Variants in STK31 observed in about 807,000 individuals in gnomAD.
The protein encoded by STK31 is serine/threonine kinase 31.
In STK31, 89 loss-of-function variants were observed where a neutral mutation model predicts 129.7. The ratio of observed to expected loss-of-function variants is 0.69; its 90% CI spans 0.58 to 0.82. STK31 has a LOEUF of 0.82. STK31 is among the 40% of genes least tolerant of loss of function. The pLI, the probability that STK31 is intolerant of heterozygous loss-of-function variation, is 0.00. For synonymous variants in STK31, 448 were observed against 395.3 expected (o/e 1.13, Z -1.58); for missense variants, 1,187 against 1,176.4 (o/e 1.01, Z -0.13).
intron 22 of STK31, among the ~76,000 whole-genome samples, chr7:23,796,852 G>A (rs566233661): frequency 6.6e-6 from 1 of 152,144 alleles, no homozygotes; most frequent in East Asian, 1.9e-4. Flanking sequence ...TCAGTGTGCT[G>A]TATTCAGGAG....
intron 23 of STK31, among the ~76,000 whole-genome samples, chr7:23,827,514 T>G (rs1403713651): frequency 3.9e-5 from 6 of 152,120 alleles, no homozygotes; most frequent in African/African-American, 1.2e-4. Flanking sequence ...TTTTTCAAAG[T>G]TTTTAACTTC....
chr7:23,802,029 T>C (rs900940063), intron 22 of STK31, among the ~76,000 whole-genome samples: 1 of 152,214 alleles, frequency 6.6e-6, no homozygotes. Flanking sequence ...TTTTATTTTA[T>C]ATTTTACATC....
At chr7:23,737,111 A>C (rs768959704) in intron 8 of STK31, 33 bp downstream of exon 8, 1 of 1,533,842 alleles carries the variant, frequency 6.5e-7, no homozygotes, top group Non-Finnish European at 8.7e-7. Flanking sequence ...AAGAGTGTCC[A>C]ACTGGGAAAT....
At chr7:23,829,712 A>G (rs1794427358) in intron 23 of STK31, among the ~76,000 whole-genome samples, 1 of 152,104 alleles carries the variant, frequency 6.6e-6, no homozygotes, top group Non-Finnish European at 1.5e-5. Context: ...AATTGATGTT[A>G]GTTCTTTGAA....
At chr7:23,810,750 TATATA>T (rs1793059879) in intron 22 of STK31, among the ~76,000 whole-genome samples, 1 of 130,772 alleles carries the variant, frequency 7.6e-6, no homozygotes, top group African/African-American at 3.0e-5. Context: ...AAAATAGATA[TATATA>T]ATATATAATA....
Position 23,735,532 on chromosome 7 carries a change from T to C in STK31, c.484-6T>C. ...TGTAGCTGGTTTATGTTTTCTTCTTTCTTAGGGCACAACCTTTTTGGGGAG... is the reference window on the plus strand; with the variant it reads ...TGTAGCTGGTTTATGTTTTCTTCTTCCTTAGGGCACAACCTTTTTGGGGAG... On this transcript the variant is annotated splice_polypyrimidine_tract_variant and splice_region_variant and intron_variant, in intron 6 of 23. Coordinates refer to ENST00000355870, the MANE Select transcript of STK31 (RefSeq NM_031414.5). 6.3e-7 allele frequency: 1 copy of C among 1,576,332 alleles called. No homozygotes were observed. The highest frequency in any genetic ancestry group is 8.6e-7 in the Non-Finnish European group (1 of 1,161,608).
At chr7:23,810,748 T>TAA (rs1562623431) in intron 22 of STK31, among the ~76,000 whole-genome samples, 120 of 132,020 alleles carry the variant, frequency 9.1e-4, no homozygotes, top group African/African-American at 3.2e-3. Flanking sequence ...ATAAAATAGA[T>TAA]ATATATAATA....
chr7:23,827,660 A>T (rs571657871), intron 23 of STK31, among the ~76,000 whole-genome samples: 1 of 152,206 alleles, frequency 6.6e-6, no homozygotes, highest in South Asian at 2.1e-4. Context: ...CCTTTGTCGG[A>T]GGAGAGGCTC....
At position 23,787,960 on chromosome 7, in the gene STK31, TTATGTGTA is replaced by T; in HGVS notation, c.2488-19_2488-12del. The T allele has an allele frequency of 9.4e-6, 14 of 1,495,488 alleles. No individual in the cohort carries two copies. The highest frequency in any genetic ancestry group is 1.2e-5 in the Non-Finnish European group (14 of 1,120,672). 92.6% of individuals were successfully genotyped at this position (1,495,488 alleles called of 1,614,324 possible). ...TGATTTGCCTACTTCCTCACTTCTT[TTATGTGTA>T]CTTATCTATAGGAAACTTTAAAGGT... is the stretch of plus-strand genomic sequence containing the variant. On this transcript the variant is annotated splice_polypyrimidine_tract_variant and intron_variant, in intron 20 of 23. Transcript: ENST00000355870.
intron 15 of STK31, among the ~76,000 whole-genome samples, chr7:23,776,885 G>A (rs913171129): frequency 6.6e-6 from 1 of 151,768 alleles, no homozygotes; most frequent in African/African-American, 2.4e-5. Context: ...GTTTGTTCTT[G>A]CTTCTGTAGC....
chr7:23,828,352 T>C (rs1302364734), intron 23 of STK31, among the ~76,000 whole-genome samples: 3 of 152,188 alleles, frequency 2.0e-5, no homozygotes, highest in African/African-American at 7.2e-5. Flanking sequence ...ATTGCTGTGC[T>C]AGCAATGAGC....
At chr7:23,828,376 C>T (rs1584513178) in intron 23 of STK31, among the ~76,000 whole-genome samples, 1 of 152,212 alleles carries the variant, frequency 6.6e-6, no homozygotes, top group South Asian at 2.1e-4. Flanking sequence ...GCTCCTTGGG[C>T]GTAGGACCTT....
chr7:23,730,878 A>ATATTT, intron 6 of STK31, among the ~76,000 whole-genome samples: 9 of 59,540 alleles, frequency 1.5e-4, no homozygotes, highest in African/African-American at 1.7e-4. Context: ...ATATATATAT[A>ATATTT]TTTTTTTTTT....
At position 23,801,642 on chromosome 7, in the gene STK31, T is replaced by C. The variant is rs985950432; in HGVS notation, c.2760+10696T>C. Among the ~76,000 whole-genome samples, 18 of 152,310 alleles carry C rather than the reference T, an allele frequency of 1.2e-4. No individual in the cohort carries two copies. The East Asian group carries it at 3.5e-3, about 29-fold the overall frequency. On this transcript the variant is annotated intron_variant, in intron 22 of 23. Transcript: ENST00000355870. ...ACCCAAAGACTTGAATATTTTTTCT[T>C]ATATTTTCTTCTAAAAGCTCTATAG...
chr7:23,710,111 G>T, upstream of STK31: 2 of 1,106,356 alleles, frequency 1.8e-6, no homozygotes, highest in Non-Finnish European at 1.3e-6. Flanking sequence ...AGCGTCAGGC[G>T]GCTCCCGCAC....
chr7:23,716,196 A>C (rs1298011529), intron 3 of STK31, among the ~76,000 whole-genome samples: 1 of 152,134 alleles, frequency 6.6e-6, no homozygotes, highest in Non-Finnish European at 1.5e-5. Flanking sequence ...GACTTTTGAC[A>C]CTTCTGATGA....
At chr7:23,780,249 G>T (rs1016469560) in intron 15 of STK31, among the ~76,000 whole-genome samples, 1 of 152,108 alleles carries the variant, frequency 6.6e-6, no homozygotes, top group South Asian at 2.1e-4. Flanking sequence ...TGTTGATCTC[G>T]CTGGGAGCTG....
chr7:23,727,270 G>A lies in STK31; in HGVS notation c.279G>A (p.Gln93=). The stretch of plus-strand genomic sequence containing the variant: ...ATGGTGGATTATTTTCTGAAGATCA[G>A]TGTTGGTACAGATGCAAAGTACTGA... The part of the protein sequence containing the change: ...KIYGGLFSED[Q]CWYRCKVLKI... Residue 93 remains glutamine (Q), a synonymous_variant, in exon 5 of 24, where the codon CAG becomes CAA. Coordinates refer to ENST00000355870, the MANE Select transcript of STK31 (RefSeq NM_031414.5). The A allele has an allele frequency of 5.0e-6, 8 of 1,613,628 alleles. No individual in the cohort carries two copies. Among genetic ancestry groups the A allele is most frequent in the Non-Finnish European group, 6.8e-6 (8 of 1,179,774 alleles).
chr7:23,830,791 T>C (rs577109807), intron 23 of STK31, among the ~76,000 whole-genome samples: 1 of 152,240 alleles, frequency 6.6e-6, no homozygotes, highest in East Asian at 1.9e-4. Context: ...ATCTAATGTT[T>C]GTATTTTTAG....
Sources: allele counts gnomAD v4.1 joint callset (sites outside exome capture counted in the v4.1 genomes callset), GRCh38; gene constraint gnomAD v4.1.1; transcripts MANE v1.5; gene names NCBI Gene and HGNC (gene_info 2026-07-23, HGNC 2026-07-21).